The following C16orf96 variants were observed in gnomAD, a reference collection of about 807,000 sequenced individuals.
C16orf96 encodes uncharacterized protein C16orf96.
Under a neutral mutation model 103.6 loss-of-function variants are expected in C16orf96, and 108 were observed. The ratio of observed to expected loss-of-function variants is 1.04; its 90% CI spans 0.89 to 1.22. The LOEUF (loss-of-function observed/expected upper bound fraction) is 1.22. C16orf96 is among the 50% of genes most tolerant of loss of function. C16orf96 has a pLI of 0.00. For synonymous variants in C16orf96, 566 were observed against 593.5 expected (o/e 0.95, Z 0.67); for missense variants, 1,586 against 1,464.2 (o/e 1.08, Z -1.36).
intron 14 of C16orf96, among the ~76,000 whole-genome samples, chr16:4,596,683 A>AAAACAAACAAAC (rs139039238): frequency 1.3e-5 from 2 of 150,720 alleles, no homozygotes; most frequent in African/African-American, 2.4e-5. Flanking sequence ...CCCTGTCTCA[A>AAAACAAACAAAC]AAACAAACAA....
At position 4,576,192 on chromosome 16, in the gene C16orf96, C is replaced by CCGCCGCTGCCGCCGCAGCCTA; in HGVS notation, c.1723_1743dup (p.Ala575_Ala581dup). 3 of 1,550,456 alleles carry CCGCCGCTGCCGCCGCAGCCTA rather than the reference C, an allele frequency of 1.9e-6. No individual in the cohort carries two copies. The highest frequency in any genetic ancestry group is 1.7e-6 in the Non-Finnish European group (2 of 1,146,984). On this transcript the variant is annotated inframe_insertion, in exon 5 of 16. Transcript: ENST00000444310. ...CGGCTGAAAACCACCGCTGCCATCG[C>CCGCCGCTGCCGCCGCAGCCTA]CGCCGCTGCCGCCGCAGCCTACGCC...
intron 14 of C16orf96, among the ~76,000 whole-genome samples, chr16:4,597,702 G>A (rs1423492133): frequency 2.6e-5 from 4 of 151,966 alleles, no homozygotes; most frequent in Non-Finnish European, 5.9e-5. Context: ...AACTACAGGC[G>A]TGCGCCACCA....
the C16orf96 span, among the ~76,000 whole-genome samples, chr16:4,545,238 G>C: frequency 6.6e-6 from 1 of 152,148 alleles, no homozygotes; most frequent in African/African-American, 2.4e-5. Flanking sequence ...GACAGGGTCT[G>C]TTCTGTCACC....
chr16:4,559,280 C>T (rs1190533531), intron 1 of C16orf96, among the ~76,000 whole-genome samples: 1 of 152,038 alleles, frequency 6.6e-6, no homozygotes, highest in Non-Finnish European at 1.5e-5. Flanking sequence ...TGGTGGCTCA[C>T]ACCTGTAATC....
At chr16:4,560,903 CAACA>C (rs1196641090) in intron 1 of C16orf96, 1 of 152,162 alleles carries the variant, frequency 6.6e-6, no homozygotes, top group Admixed American at 6.6e-5. Context: ...CCTATAATCC[CAACA>C]CTTTGGGAGG....
Position 4,576,208 on chromosome 16 carries a change from A to G in C16orf96, c.1728A>G (p.Ala576=). The G allele has an allele frequency of 6.4e-7, 1 of 1,550,654 alleles. No individual in the cohort carries two copies. Among genetic ancestry groups the G allele is most frequent in the Admixed American group, 2.0e-5 (1 of 50,990 alleles). ...CTGCCATCGCCGCCGCTGCCGCCGC[A>G]GCCTACGCCGCTGCCACATCCTCCG... ...TTAAIAAAAA[A]AYAAATSSAA... Residue 576 remains alanine (A), a synonymous_variant, in exon 5 of 16, where the codon GCA becomes GCG. Transcript: ENST00000444310.
intron 1 of C16orf96, among the ~76,000 whole-genome samples, chr16:4,558,607 G>A (rs115219748): frequency 0.012 from 1,799 of 151,666 alleles, 42 homozygotes; most frequent in African/African-American, 0.04. Context: ...GCAAGCCCCT[G>A]TGTCTAAAAA....
chr16:4,549,471 TAAAAAAAAAA>T, the C16orf96 span, among the ~76,000 whole-genome samples: 1 of 96,652 alleles, frequency 1.0e-5, no homozygotes, highest in African/African-American at 4.0e-5. Context: ...AGACTCTGTC[TAAAAAAAAAA>T]AAAAAAAAAC....
upstream of C16orf96, among the ~76,000 whole-genome samples, chr16:4,555,281 C>CACACT (rs1716587807): frequency 1.4e-5 from 1 of 71,474 alleles, no homozygotes; most frequent in Admixed American, 1.4e-4. Flanking sequence ...CACACACACA[C>CACACT]ACACACACAC....
Position 4,556,904 on chromosome 16 carries a change from G to C in C16orf96, c.415G>C (p.Ala139Pro). 3 of 1,539,566 alleles carry C rather than the reference G, an allele frequency of 1.9e-6. No individual in the cohort carries two copies. Among genetic ancestry groups the C allele is most frequent in the Non-Finnish European group, 2.6e-6 (3 of 1,137,890 alleles). Residue 139 changes from alanine (A) to proline (P), a missense_variant, in exon 1 of 16, where the codon GCC (alanine) becomes CCC (proline). Physicochemically the swap from Ala to Pro is conservative, Grantham distance 27. Transcript: ENST00000444310. ...KMVEGHDEVM[A>P]KSMQTLQDLL... ...GGTGGAGGGTCATGATGAAGTCATG[G>C]CCAAGGTACGCCCCCAGCCTCCAGA...
upstream of C16orf96, among the ~76,000 whole-genome samples, chr16:4,554,777 C>T (rs1451044173): frequency 2.6e-5 from 4 of 151,834 alleles, no homozygotes; most frequent in African/African-American, 9.7e-5. Context: ...CTCAGCCTCC[C>T]GAGTAGCTGA....
chr16:4,589,254 G>T (rs899223313), intron 9 of C16orf96, among the ~76,000 whole-genome samples: 3 of 152,070 alleles, frequency 2.0e-5, no homozygotes, highest in African/African-American at 7.2e-5. Flanking sequence ...GGATATTAGA[G>T]AGATGATGGA....
At chr16:4,542,473 A>G in the C16orf96 span, among the ~76,000 whole-genome samples, 20 of 152,362 alleles carry the variant, frequency 1.3e-4, no homozygotes, top group East Asian at 3.3e-3. Flanking sequence ...TTAACTCAAT[A>G]TATGCAAAAT....
intron 7 of C16orf96, among the ~76,000 whole-genome samples, 188 bp downstream of exon 7, chr16:4,580,313 C>CG (rs1236465791): frequency 3.3e-5 from 4 of 122,840 alleles, no homozygotes; most frequent in Admixed American, 9.2e-5. Flanking sequence ...TCCCACCACC[C>CG]CCCCCCACCC....
In C16orf96 at chr16:4,588,156, T is replaced by C; in HGVS notation, c.2428-11T>C. 2 of 1,549,628 alleles carry C rather than the reference T, an allele frequency of 1.3e-6. No individual in the cohort carries two copies. Among genetic ancestry groups the C allele is most frequent in the South Asian group, 1.2e-5 (1 of 83,966 alleles). Reference sequence around the variant, plus strand: ...AGCAGCCATGCCTCCCTGAACTCCCTGTCTCCCTAGAAAGCTGACAGGAGT... The same window carrying C: ...AGCAGCCATGCCTCCCTGAACTCCCCGTCTCCCTAGAAAGCTGACAGGAGT... On this transcript the variant is annotated splice_polypyrimidine_tract_variant and intron_variant, in intron 8 of 15. Transcript: ENST00000444310.
At chr16:4,550,668 A>G in the C16orf96 span, among the ~76,000 whole-genome samples, 4 of 152,242 alleles carry the variant, frequency 2.6e-5, no homozygotes, top group South Asian at 2.1e-4. Flanking sequence ...ACCTACGTGG[A>G]GGGTTTAAGG....
upstream of C16orf96, among the ~76,000 whole-genome samples, chr16:4,555,175 A>G (rs1216516436): frequency 6.7e-6 from 1 of 150,300 alleles, no homozygotes. Context: ...AGGCAGGAGA[A>G]TCGCTTGAAC....
chr16:4,542,203 T>TAAAATTA, the C16orf96 span, among the ~76,000 whole-genome samples: 1 of 152,036 alleles, frequency 6.6e-6, no homozygotes, highest in African/African-American at 2.4e-5. Flanking sequence ...AAAAAATTTA[T>TAAAATTA]AAAATTAAAA....
At chr16:4,587,917 C>T (rs575620894) in intron 8 of C16orf96, among the ~76,000 whole-genome samples, 2 of 152,264 alleles carry the variant, frequency 1.3e-5, no homozygotes, top group East Asian at 3.9e-4. Flanking sequence ...GCCTGGGCAA[C>T]CTTGAACAAG....
Sources: allele counts gnomAD v4.1 joint callset (sites outside exome capture counted in the v4.1 genomes callset), GRCh38; gene constraint gnomAD v4.1.1; transcripts MANE v1.5; gene names NCBI Gene and HGNC (gene_info 2026-07-23, HGNC 2026-07-21).